Variants in ZNF83 observed in about 807,000 individuals in gnomAD.
The protein encoded by ZNF83 is zinc finger protein 83.
For synonymous variants in ZNF83, 209 were observed against 213.0 expected, an observed-to-expected ratio of 0.98 and a Z score of 0.17; for missense variants, 552 against 629.9, an observed-to-expected ratio of 0.88 and a Z score of 1.32.
intron 2 of ZNF83, among the ~76,000 whole-genome samples, chr19:52,620,094 T>A (rs1178401164): frequency 2.6e-5 from 4 of 152,176 alleles, no homozygotes; most frequent in East Asian, 3.8e-4. Context: ...AATACATTTT[T>A]TATATATATG....
Position 52,613,408 on chromosome 19 carries a change from G to A in ZNF83, c.1157C>T (p.Ser386Leu), listed in dbSNP as rs780916907. ...GATTCTGTGATGTTGTACAAGATGT[G>A]AATTTTGACTGAATGCTTTGTCACA... Residue 386 changes from serine to leucine, a missense_variant, in exon 3 of 3, where the codon TCA (serine) becomes TTA (leucine). Ser to Leu is a moderately radical substitution (Grantham distance 145). Transcript: ENST00000301096. 4.3e-6 allele frequency: 7 copies of A among 1,613,740 alleles called. No homozygotes were observed. The South Asian group carries it at 5.5e-5, about 13-fold the overall frequency.
chr19:52,685,246 GACGCTC>G (rs761079437), intron 1 of ZNF83, among the ~76,000 whole-genome samples: 5 of 152,116 alleles, frequency 3.3e-5, no homozygotes, highest in Non-Finnish European at 7.3e-5. Context: ...AAGTTGCAGG[GACGCTC>G]ACTGGGCTCA....
At chr19:52,635,034 GAC>G in intron 2 of ZNF83, 30 bp downstream of exon 2, 1 of 736,710 alleles carries the variant, frequency 1.4e-6, no homozygotes, top group South Asian at 1.5e-5. Flanking sequence ...AAAGGAAAGA[GAC>G]AGAACAATCC....
intron 3 of ZNF83, chr19:52,652,502 T>C: frequency 2.2e-6 from 1 of 448,642 alleles, no homozygotes; most frequent in South Asian, 1.7e-5. Flanking sequence ...TGAATTCTCC[T>C]GTGTTTTGCA....
rs115602703 is a variant in ZNF83, at chr19:52,659,465, G to A, written c.-201+1297C>T. Among the ~76,000 whole-genome samples, 921 of 152,188 alleles carry A rather than the reference G, an allele frequency of 6.1e-3. 9 individuals carry two copies. The highest frequency in any genetic ancestry group is 0.021 in the African/African-American group (852 of 41,514). On this transcript the variant is annotated intron_variant, in intron 2 of 5. Transcript: ENST00000594682. ...AGACAGTTGCTTAAGGCTACTGGTC[G>A]GAAACACAGCAGAACTAGCAAAACG...
rs141775782 is a variant in ZNF83, at chr19:52,631,730, T to C, written c.-234+3336A>G. Among the ~76,000 whole-genome samples the C allele has an allele frequency of 8.8e-3, 1,336 of 152,002 alleles. 18 individuals carry two copies. Among genetic ancestry groups the C allele is most frequent in the South Asian group, 0.049 (235 of 4,806 alleles). ...CCCCATATTTCCTTCTTTCCTGTTC[T>C]TCACCTGATCACGCTTGATTTATTG... On this transcript the variant is annotated intron_variant, in intron 2 of 2. Transcript: ENST00000301096.
chr19:52,671,998 C>T (rs986263771), intron 1 of ZNF83, among the ~76,000 whole-genome samples: 7 of 151,978 alleles, frequency 4.6e-5, no homozygotes, highest in African/African-American at 9.7e-5. Flanking sequence ...TTTGGGAGGT[C>T]GAGGCAGGTG....
At chr19:52,681,303 C>CAAAAAAAAAAAAAAAAAAAAAAAAA (rs1189423006) in intron 1 of ZNF83, among the ~76,000 whole-genome samples, 6 of 78,316 alleles carry the variant, frequency 7.7e-5, no homozygotes, top group Middle Eastern at 7.8e-3. Flanking sequence ...AAAAAAAAAG[C>CAAAAAAAAAAAAAAAAAAAAAAAAA]AAACGAACAT....
chr19:52,640,016 T>C (rs1045761010), upstream of ZNF83, among the ~76,000 whole-genome samples: 2 of 152,162 alleles, frequency 1.3e-5, no homozygotes, highest in Non-Finnish European at 2.9e-5. Flanking sequence ...TGGTCACACA[T>C]AGTTCATCCT....
upstream of ZNF83, among the ~76,000 whole-genome samples, chr19:52,639,084 G>C (rs1227429978): frequency 6.6e-6 from 1 of 152,132 alleles, no homozygotes; most frequent in African/African-American, 2.4e-5. Context: ...CAGCGTATTT[G>C]TGTAAGAGAT....
chr19:52,628,727 G>A (rs914391431), intron 2 of ZNF83, among the ~76,000 whole-genome samples: 4 of 151,726 alleles, frequency 2.6e-5, no homozygotes, highest in African/African-American at 9.7e-5. Flanking sequence ...GCCTTTCTGG[G>A]GGGCAAGAAA....
chr19:52,663,960 C>T (rs1402951326), intron 1 of ZNF83, among the ~76,000 whole-genome samples: 1 of 152,198 alleles, frequency 6.6e-6, no homozygotes, highest in Non-Finnish European at 1.5e-5. Flanking sequence ...GATCTCGGCT[C>T]ACTGCAACCT....
In ZNF83 at chr19:52,622,386, A is replaced by G. The variant is rs1431466025; in HGVS notation, c.-233-7589T>C. ...CTTAACCTGGAGTGACTTAAATGTC[A>G]TCCTACCTTCTACCCTTTCCCCAGA... On this transcript the variant is annotated intron_variant, in intron 2 of 2. Transcript: ENST00000301096. Among the ~76,000 whole-genome samples the G allele has an allele frequency of 6.6e-5, 10 of 152,176 alleles. No individual in the cohort carries two copies. The East Asian group carries it at 1.7e-3, about 26-fold the overall frequency.
At chr19:52,621,170 T>G (rs2147098653) in intron 2 of ZNF83, among the ~76,000 whole-genome samples, 1 of 152,286 alleles carries the variant, frequency 6.6e-6, no homozygotes, top group South Asian at 2.1e-4. Flanking sequence ...TGTCCTGATC[T>G]CCATGAGGAG....
intron 1 of ZNF83, among the ~76,000 whole-genome samples, chr19:52,668,123 C>A (rs772931027): frequency 4.6e-5 from 7 of 152,172 alleles, no homozygotes; most frequent in Non-Finnish European, 1.0e-4. Flanking sequence ...AGTCTCTCAG[C>A]ACAGGCGCCA....
intron 2 of ZNF83, among the ~76,000 whole-genome samples, chr19:52,619,848 C>T (rs990621249): frequency 1.3e-5 from 2 of 152,088 alleles, no homozygotes; most frequent in African/African-American, 4.8e-5. Context: ...GATCACACCA[C>T]TGCACTCCAG....
chr19:52,684,495 G>A (rs1313992810), intron 1 of ZNF83, among the ~76,000 whole-genome samples: 1 of 148,476 alleles, frequency 6.7e-6, no homozygotes, highest in Non-Finnish European at 1.5e-5. Context: ...ATTGCAGTGA[G>A]CCAAGATCAC....
intron 3 of ZNF83, chr19:52,651,039 T>C (rs1040531194): frequency 9.2e-5 from 14 of 152,212 alleles, no homozygotes; most frequent in Non-Finnish European, 1.8e-4. Context: ...TTATCTGAGA[T>C]GGGCTACTTG....
chr19:52,651,414 GAGCATCCCAA>G (rs1175063017), intron 3 of ZNF83: 1 of 152,198 alleles, frequency 6.6e-6, no homozygotes, highest in Non-Finnish European at 1.5e-5. Context: ...TAGAAAAGAT[GAGCATCCCAA>G]AGTGTATATC....
Sources: gnomAD v4.1 joint callset for allele counts (sites outside exome capture counted in the v4.1 genomes callset) on GRCh38, gnomAD v4.1.1 for gene constraint, MANE v1.5 for transcripts, NCBI Gene and HGNC (gene_info 2026-07-23, HGNC 2026-07-21) for gene names.